The following STRA6 variants were observed in gnomAD, a reference collection of about 807,000 sequenced individuals.
The protein encoded by STRA6 is receptor for retinol uptake STRA6.
STRA6 carries 48 observed loss-of-function variants against 83.6 expected under a neutral mutation model. The ratio of observed to expected loss-of-function variants is 0.57; its 90% CI spans 0.46 to 0.73. STRA6 has a LOEUF of 0.73. Among genes scored for constraint, STRA6 ranks in the 30% least tolerant of loss-of-function variants. The probability of loss-of-function intolerance (pLI) is 0.00; values close to 1 mark genes in which losing one functional copy is unlikely to be tolerated. For missense variants in STRA6, 760 were observed against 838.8 expected, an observed-to-expected ratio of 0.91 and a Z score of 1.16; for synonymous variants, 353 against 362.3, an observed-to-expected ratio of 0.97 and a Z score of 0.29.
chr15:74,206,048 C>G (rs1025701158), upstream of STRA6, among the ~76,000 whole-genome samples: 4 of 152,226 alleles, frequency 2.6e-5, no homozygotes, highest in African/African-American at 9.6e-5. Flanking sequence ...GAGTCTTTTC[C>G]TCTCTGTGGG....
At chr15:74,210,375 G>A (rs533798555), upstream of STRA6, among the ~76,000 whole-genome samples, 4 of 152,164 alleles carry the variant, frequency 2.6e-5, no homozygotes, top group East Asian at 7.7e-4. Context: ...CTGGACTGAC[G>A]TGGCAGAACC....
chr15:74,207,245 G>T (rs1402260408), upstream of STRA6, among the ~76,000 whole-genome samples: 1 of 152,188 alleles, frequency 6.6e-6, no homozygotes, highest in Admixed American at 6.5e-5. Flanking sequence ...AAGGAATGGG[G>T]AAGGCCAGCA....
In STRA6 at chr15:74,193,725, C is replaced by G. The variant is rs570954600; in HGVS notation, c.720+75G>C. ...CCCTACATCAAGCACGGCCATGTAT[C>G]TGGGACCACAGATACGGGGGAGTAG... On this transcript the variant is annotated intron_variant, in intron 8 of 18. Transcript: ENST00000395105. 1.9e-5 allele frequency: 30 copies of G among 1,602,898 alleles called. No individual in the cohort carries two copies. The African/African-American group carries it at 3.9e-4, about 21-fold the overall frequency.
At chr15:74,203,339 A>T (rs2074169910), upstream of STRA6, 1 of 362,512 alleles carries the variant, frequency 2.8e-6, no homozygotes, top group Non-Finnish European at 3.8e-6. Flanking sequence ...CTCCTCCTGG[A>T]GTGAGGTTGA....
intron 15 of STRA6, 26 bp from the exon 16 acceptor site, chr15:74,182,288 G>C (rs370404558): frequency 6.2e-7 from 1 of 1,613,078 alleles, no homozygotes; most frequent in African/African-American, 1.3e-5. Flanking sequence ...GGAGGTGGTC[G>C]CTGTTAGCGG....
chr15:74,208,743 G>C, intron 1 of STRA6: 1 of 987,682 alleles, frequency 1.0e-6, no homozygotes, highest in Non-Finnish European at 1.2e-6. Context: ...GTGCCTTCTC[G>C]CTGTTCCCCG....
chr15:74,209,352 T>A, upstream of STRA6: 1 of 1,533,406 alleles, frequency 6.5e-7, no homozygotes, highest in Non-Finnish European at 8.7e-7. Context: ...AGGAACCCCC[T>A]ACTTACCTCC....
chr15:74,180,541 C>T (rs2072923344), intron 18 of STRA6, among the ~76,000 whole-genome samples: 1 of 152,084 alleles, frequency 6.6e-6, no homozygotes, highest in African/African-American at 2.4e-5. Flanking sequence ...TGACGGAGCC[C>T]CTTAGGAAGG....
Position 74,188,104 on chromosome 15 carries a change from C to T in STRA6, c.1090+1011G>A, listed in dbSNP as rs531274543. Among the ~76,000 whole-genome samples the T allele has an allele frequency of 2.0e-5, 3 of 152,302 alleles. No individual in the cohort carries two copies. Among genetic ancestry groups the T allele is most frequent in the Admixed American group, 6.5e-5 (1 of 15,300 alleles). On this transcript the variant is annotated intron_variant, in intron 12 of 18. Coordinates refer to ENST00000395105, the MANE Select transcript of STRA6 (RefSeq NM_022369.4). The surrounding 1 kb of genome is among the most constrained non-coding windows in gnomAD (Gnocchi z 4.5). ...AGCAGTTCCAGGGCAGCCTCTAGTA[C>T]GGGAACTGAGGTGCTCACGGAGATG...
upstream of STRA6, among the ~76,000 whole-genome samples, chr15:74,204,839 G>A (rs2074222858): frequency 6.6e-6 from 1 of 152,180 alleles, no homozygotes; most frequent in African/African-American, 2.4e-5. Context: ...GGAGGCTGAG[G>A]CAGGAGAATC....
chr15:74,180,089 G>T lies in STRA6; in HGVS notation c.1995C>A (p.Ala665=), dbSNP rs773734490. 1 of 1,612,962 alleles carries T rather than the reference G, an allele frequency of 6.2e-7. No homozygotes were observed. The highest frequency in any genetic ancestry group is 1.7e-5 in the Admixed American group (1 of 59,990). Residue 665 remains alanine, a synonymous_variant, in exon 19 of 19, where the codon GCC becomes GCA. Coordinates refer to ENST00000395105, the MANE Select transcript of STRA6 (RefSeq NM_022369.4). ...RKTALLGANG[A]QP is the part of the protein sequence containing the mutation. ...TTGACCTTCCCTGCCCTCAGGGCTGGGCACCATTGGCACCCAACAGGGCCG... is the reference window on the plus strand; with the variant it reads ...TTGACCTTCCCTGCCCTCAGGGCTGTGCACCATTGGCACCCAACAGGGCCG...
At chr15:74,189,791 G>A (rs1164527727) in intron 11 of STRA6, among the ~76,000 whole-genome samples, 1 of 151,684 alleles carries the variant, frequency 6.6e-6, no homozygotes, top group Non-Finnish European at 1.5e-5. Flanking sequence ...AGCCTCCTGA[G>A]TAGCTGGGAC....
intron 2 of STRA6, among the ~76,000 whole-genome samples, chr15:74,198,922 G>A (rs1487922557): frequency 6.6e-6 from 1 of 152,224 alleles, no homozygotes; most frequent in Non-Finnish European, 1.5e-5. Flanking sequence ...ATCATGTGGT[G>A]GAGAAAGGGA....
chr15:74,182,103 G>T, intron 16 of STRA6, 58 bp downstream of exon 16: 1 of 1,435,660 alleles, frequency 7.0e-7, no homozygotes, highest in South Asian at 1.1e-5. Flanking sequence ...CAAAAAGAGA[G>T]AGACACCGAA....
Position 74,189,013 on chromosome 15 carries a change from C to T in STRA6, c.1090+102G>A. 2.1e-6 allele frequency: 3 copies of T among 1,422,428 alleles called. No homozygotes were observed. In the South Asian group the frequency reaches 3.7e-5, roughly 17 times the overall value. 88.1% of individuals were successfully genotyped at this position (1,422,428 alleles called of 1,614,324 possible). A position where few individuals can be genotyped will look rare whatever the true frequency, so the allele number is the denominator to read the frequency against. ...GACCCAGAGAGAGGAAGGAATGTGT[C>T]CAAGGGCCCCCAGTGTGTCCATGGC... On this transcript the variant is annotated intron_variant, in intron 12 of 18. Coordinates refer to ENST00000395105, the MANE Select transcript of STRA6 (RefSeq NM_022369.4).
chr15:74,209,707 G>A, upstream of STRA6: 1 of 472,458 alleles, frequency 2.1e-6, no homozygotes, highest in Non-Finnish European at 3.7e-6. Flanking sequence ...CCTGAGCACA[G>A]GCTCTCCCTA....
At chr15:74,186,870 A>C (rs758862532) in intron 12 of STRA6, among the ~76,000 whole-genome samples, 38 of 152,350 alleles carry the variant, frequency 2.5e-4, no homozygotes, top group Non-Finnish European at 4.7e-4. Context: ...GGCTTGAGCA[A>C]CGGGAATGTT....
Position 74,196,096 on chromosome 15 carries a change from A to G in STRA6, c.318T>C (p.Val106=). The stretch of plus-strand genomic sequence containing the variant: ...ACAGGGAGCTCAGGAGGACCATGAA[A>G]ACAGCAGCAGGCACTGCCCGGGGCC... ...GDRPRAVPAA[V]FMVLLSSLCL... The change falls in exon 5 of 19, where the codon GTT becomes GTC. Residue 106 remains valine, a synonymous_variant. Coordinates refer to ENST00000395105, the MANE Select transcript of STRA6 (RefSeq NM_022369.4). The G allele has an allele frequency of 6.2e-7, 1 of 1,614,038 alleles. No homozygotes were observed. Among genetic ancestry groups the G allele is most frequent in the Non-Finnish European group, 8.5e-7 (1 of 1,180,016 alleles).
At position 74,195,393 on chromosome 15, in the gene STRA6, T is replaced by C. The variant is rs1254471183; in HGVS notation, c.506A>G (p.His169Arg). 1 of 1,613,692 alleles carries C rather than the reference T, an allele frequency of 6.2e-7. No individual in the cohort carries two copies. The highest frequency in any genetic ancestry group is 1.7e-4 in the Middle Eastern group (1 of 6,058). Reference sequence around the variant, plus strand: ...GCTGCCGAGCAGGTGTGCAGCTGTGTGGCCAGCCGTGGCACAGGCAGCCAG... The same window carrying C: ...GCTGCCGAGCAGGTGTGCAGCTGTGCGGCCAGCCGTGGCACAGGCAGCCAG... ...YPLAACATAGHTAAHLLGSTL... is the reference protein window; with the variant it reads ...YPLAACATAGRTAAHLLGSTL... The change falls in exon 7 of 19, where the codon CAC (histidine) becomes CGC (arginine). Residue 169 changes from histidine (H) to arginine (R), a missense_variant. By Grantham distance (29) the His-to-Arg change is conservative. Coordinates refer to ENST00000395105, the MANE Select transcript of STRA6 (RefSeq NM_022369.4).
Sources: gnomAD v4.1 joint callset for allele counts (sites outside exome capture counted in the v4.1 genomes callset) on GRCh38, gnomAD v4.1.1 for gene constraint, Gnocchi (gnomAD v3.1) non-coding constraint, MANE v1.5 for transcripts, NCBI Gene and HGNC (gene_info 2026-07-23, HGNC 2026-07-21) for gene names.